The following CD44 variants were observed in gnomAD, a reference collection of about 807,000 sequenced individuals.
The protein encoded by CD44 is CD44 antigen.
Under a neutral mutation model 88.8 loss-of-function variants are expected in CD44, and 49 were observed. That is an observed-to-expected ratio of 0.55 (90% CI 0.44 to 0.70). The LOEUF (loss-of-function observed/expected upper bound fraction) is 0.70. CD44 is among the 30% of genes least tolerant of loss of function. CD44 has a pLI of 0.00. For missense variants in CD44, 883 were observed against 913.8 expected (o/e 0.97, Z 0.43); for synonymous variants, 325 against 312.3 (o/e 1.04, Z -0.43).
At chr11:35,153,467 C>T (rs769159955) in intron 1 of CD44, among the ~76,000 whole-genome samples, 2 of 152,122 alleles carry the variant, frequency 1.3e-5, no homozygotes, top group African/African-American at 2.4e-5. Flanking sequence ...AGCAACCTGA[C>T]CTTTGACTTG....
chr11:35,186,561 G>A (rs562775889), intron 3 of CD44, among the ~76,000 whole-genome samples: 5 of 152,292 alleles, frequency 3.3e-5, no homozygotes, highest in African/African-American at 9.6e-5. Flanking sequence ...CACAGTGCCT[G>A]ATATAGAATG....
intron 3 of CD44, among the ~76,000 whole-genome samples, chr11:35,183,891 A>G (rs1477415446): frequency 1.3e-5 from 2 of 152,216 alleles, no homozygotes; most frequent in East Asian, 1.9e-4. Flanking sequence ...TTCAACAACT[A>G]TTTGAGAATA....
At chr11:35,210,131 G>T in intron 13 of CD44, 77 bp downstream of exon 13, 2 of 769,652 alleles carry the variant, frequency 2.6e-6, no homozygotes, top group Non-Finnish European at 2.1e-6. Context: ...CAGTGTCTTT[G>T]GTGGAGGTGC....
At chr11:35,180,153 C>T (rs962787400) in intron 2 of CD44, 121 bp from the exon 3 acceptor site, 2 of 934,824 alleles carry the variant, frequency 2.1e-6, no homozygotes, top group Non-Finnish European at 3.2e-6. Flanking sequence ...GTTGAAACCT[C>T]CGATATCCCT....
rs778122153 is a variant in CD44 at position 35,145,906 on chromosome 11, G to A, written c.67+6536G>A. On this transcript the variant is annotated intron_variant, in intron 1 of 17. Coordinates refer to ENST00000428726, the MANE Select transcript of CD44 (RefSeq NM_000610.4). The stretch of plus-strand genomic sequence containing the variant: ...GTAGGGAATCCTGACATCCGACGGG[G>A]AGCCACTTTGGCAATGGCAAACGGT... Among the ~76,000 whole-genome samples the A allele has an allele frequency of 1.1e-3, 166 of 152,212 alleles. 1 individual carries two copies. Among genetic ancestry groups the A allele is most frequent in the Admixed American group, 1.3e-3 (20 of 15,284 alleles).
intron 5 of CD44, among the ~76,000 whole-genome samples, chr11:35,192,646 G>C (rs750488808): frequency 2.0e-5 from 3 of 152,132 alleles, no homozygotes; most frequent in Non-Finnish European, 2.9e-5. Context: ...CTTCCAGCAG[G>C]CTGTTTATCT....
intron 1 of CD44, among the ~76,000 whole-genome samples, chr11:35,164,120 A>G (rs1430471730): frequency 6.6e-6 from 1 of 152,064 alleles, no homozygotes; most frequent in African/African-American, 2.4e-5. Flanking sequence ...CCAGAGCCTT[A>G]GTGTTACAGC....
intron 3 of CD44, among the ~76,000 whole-genome samples, chr11:35,182,612 A>G (rs893919302): frequency 6.6e-6 from 1 of 152,170 alleles, no homozygotes; most frequent in Non-Finnish European, 1.5e-5. Context: ...AAAACCACAT[A>G]TAAAAAAGTA....
intron 3 of CD44, among the ~76,000 whole-genome samples, chr11:35,181,876 A>G (rs1273792827): frequency 7.6e-5 from 6 of 79,356 alleles, no homozygotes; most frequent in Non-Finnish European, 1.3e-4. Context: ...TATATATATT[A>G]TATATAATTC....
intron 5 of CD44, among the ~76,000 whole-genome samples, chr11:35,194,015 C>T (rs1946507995): frequency 6.6e-6 from 1 of 152,178 alleles, no homozygotes; most frequent in African/African-American, 2.4e-5. Flanking sequence ...GTGAAAAATA[C>T]ACACTAGCAA....
intron 6 of CD44, 114 bp downstream of exon 6, chr11:35,196,988 C>T (rs1946821167): frequency 1.8e-5 from 20 of 1,090,092 alleles, no homozygotes; most frequent in South Asian, 3.1e-5. Flanking sequence ...CACAAATTTT[C>T]GTTATGACTT....
intron 1 of CD44, among the ~76,000 whole-genome samples, chr11:35,147,824 C>T (rs1373422612): frequency 6.6e-6 from 1 of 152,190 alleles, no homozygotes; most frequent in East Asian, 1.9e-4. Flanking sequence ...AAAGGTGGCT[C>T]ACACCTGTAA....
chr11:35,198,933 A>C (rs1480309888), intron 7 of CD44, among the ~76,000 whole-genome samples: 1 of 148,306 alleles, frequency 6.7e-6, no homozygotes, highest in African/African-American at 2.5e-5. Context: ...GCACTCCAGC[A>C]CTCTAACCTG....
At chr11:35,222,296 GT>G (rs1303977993) in intron 17 of CD44, 2 of 674,942 alleles carry the variant, frequency 3.0e-6, no homozygotes, top group African/African-American at 1.9e-5. Context: ...TTTGTCGTTT[GT>G]TTTTTTATTG....
At position 35,198,192 on chromosome 11, in the gene CD44, C is replaced by G; in HGVS notation, c.868C>G (p.Leu290Val). Residue 290 changes from leucine to valine, a missense_variant, in exon 7 of 18, where the codon CTC (leucine) becomes GTC (valine). Around this residue, in one of 2 missense-constraint regions of CD44, gnomAD observed 631 missense variants for 590.9 expected, o/e 1.07. Coordinates refer to ENST00000428726, the MANE Select transcript of CD44 (RefSeq NM_000610.4). The part of the protein sequence containing the change: ...EENEDERDRH[L>V]SFSGSGIDDD... ...AAATGAAGATGAAAGAGACAGACAC[C>G]TCAGTTTTTCTGGATCAGGCATTGA... is the stretch of plus-strand genomic sequence containing the variant. 2 of 1,613,846 alleles carry G rather than the reference C, an allele frequency of 1.2e-6. No individual in the cohort carries two copies. The highest frequency in any genetic ancestry group is 1.7e-6 in the Non-Finnish European group (2 of 1,179,766).
intron 7 of CD44, among the ~76,000 whole-genome samples, chr11:35,200,855 C>T (rs542675156): frequency 6.6e-5 from 10 of 152,212 alleles, no homozygotes; most frequent in African/African-American, 2.4e-4. Flanking sequence ...TGTTCTGAAC[C>T]CCAAGGTATT....
At chr11:35,222,289 G>T in intron 17 of CD44, 1 of 611,580 alleles carries the variant, frequency 1.6e-6, no homozygotes, top group Non-Finnish European at 2.7e-6. Context: ...GCTTTTGTTT[G>T]TCGTTTGTTT....
intron 6 of CD44, 26 bp downstream of exon 6, chr11:35,196,900 C>A: frequency 1.2e-6 from 2 of 1,606,340 alleles, no homozygotes; most frequent in Non-Finnish European, 1.7e-6. Flanking sequence ...TATCTCATAG[C>A]GTATGTTTTC....
intron 9 of CD44, 94 bp from the exon 10 acceptor site, chr11:35,204,418 C>A (rs1947625608): frequency 1.7e-6 from 2 of 1,191,240 alleles, no homozygotes; most frequent in African/African-American, 1.5e-5. Context: ...CTTCCCTCCC[C>A]ATGTGTATCT....
Sources: gnomAD v4.1 joint callset for allele counts (sites outside exome capture counted in the v4.1 genomes callset) on GRCh38, gnomAD v4.1.1 for gene constraint, gnomAD v4.1.1 regional missense constraint, MANE v1.5 for transcripts, NCBI Gene and HGNC (gene_info 2026-07-23, HGNC 2026-07-21) for gene names.